Variants in RAPGEF4 observed in about 807,000 individuals in gnomAD.
The protein encoded by RAPGEF4 is Rap guanine nucleotide exchange factor 4.
RAPGEF4 carries 66 observed loss-of-function variants against 147.9 expected under a neutral mutation model. The ratio of observed to expected loss-of-function variants is 0.45; its 90% CI spans 0.37 to 0.55. The LOEUF is 0.55. Among genes scored for constraint, RAPGEF4 ranks in the 20% least tolerant of loss-of-function variants. The probability of loss-of-function intolerance (pLI) is 0.00; values close to 1 mark genes in which losing one functional copy is unlikely to be tolerated. For synonymous variants in RAPGEF4, 419 were observed against 442.7 expected (o/e 0.95, Z 0.67); for missense variants, 1,071 against 1,257.3 (o/e 0.85, Z 2.24).
chr2:172,784,766 T>A (rs778543558), intron 1 of RAPGEF4, among the ~76,000 whole-genome samples: 4 of 152,196 alleles, frequency 2.6e-5, no homozygotes, highest in Non-Finnish European at 5.9e-5. Context: ...TATAAATACA[T>A]GATTTTAGCA....
chr2:172,834,503 A>C (rs769950797), intron 4 of RAPGEF4, among the ~76,000 whole-genome samples: 1 of 152,226 alleles, frequency 6.6e-6, no homozygotes, highest in Non-Finnish European at 1.5e-5. Flanking sequence ...GTAAACAGGA[A>C]GATAAAGCTA....
At chr2:172,789,757 A>G (rs1657376284) in intron 1 of RAPGEF4, among the ~76,000 whole-genome samples, 2 of 152,254 alleles carry the variant, frequency 1.3e-5, no homozygotes, top group African/African-American at 2.4e-5. Context: ...AATGTCTTCA[A>G]GGTTCATGCA....
intron 15 of RAPGEF4, among the ~76,000 whole-genome samples, chr2:172,995,790 T>C (rs1298824504): frequency 3.3e-5 from 5 of 152,338 alleles, no homozygotes; most frequent in Non-Finnish European, 5.9e-5. Flanking sequence ...CATGGAAAGA[T>C]CTTCTGAAAT....
At chr2:173,000,955 G>T (rs1693857259) in intron 16 of RAPGEF4, among the ~76,000 whole-genome samples, 1 of 136,136 alleles carries the variant, frequency 7.3e-6, no homozygotes, top group Non-Finnish European at 1.7e-5. Context: ...TGCATGTATG[G>T]TACTGCCCAC....
chr2:173,017,282 C>T, intron 20 of RAPGEF4, 78 bp downstream of exon 20: 1 of 1,522,398 alleles, frequency 6.6e-7, no homozygotes, highest in Non-Finnish European at 9.1e-7. Context: ...TTGCAGTATA[C>T]ATAAAAGTGA....
intron 4 of RAPGEF4, among the ~76,000 whole-genome samples, chr2:172,914,285 A>C (rs542553349): frequency 1.4e-5 from 2 of 143,134 alleles, no homozygotes; most frequent in South Asian, 4.6e-4. Context: ...CTGCCCTCTG[A>C]GGGAGGTTCC....
At chr2:172,800,359 GA>G (rs902832231) in intron 3 of RAPGEF4, among the ~76,000 whole-genome samples, 4 of 152,210 alleles carry the variant, frequency 2.6e-5, no homozygotes, top group African/African-American at 9.7e-5. Context: ...AAGCTAAGGA[GA>G]ATGACCAAGA....
At chr2:172,786,700 C>G (rs1318268879) in intron 1 of RAPGEF4, among the ~76,000 whole-genome samples, 4 of 152,012 alleles carry the variant, frequency 2.6e-5, no homozygotes, top group Non-Finnish European at 1.5e-5. Context: ...TATAGAGAGA[C>G]CTTATCTCTA....
intron 17 of RAPGEF4, among the ~76,000 whole-genome samples, chr2:173,004,892 A>AAG (rs1553546645): frequency 6.6e-6 from 1 of 151,948 alleles, no homozygotes; most frequent in Non-Finnish European, 1.5e-5. Context: ...TTTCCAAACT[A>AAG]ATATATATAT....
At chr2:172,838,025 G>A (rs776203934) in intron 4 of RAPGEF4, among the ~76,000 whole-genome samples, 56 of 152,094 alleles carry the variant, frequency 3.7e-4, no homozygotes, top group Non-Finnish European at 4.4e-4. Flanking sequence ...GAGACTCTGG[G>A]GTGAACAATC....
chr2:172,934,411 A>C (rs1686325196), intron 6 of RAPGEF4, among the ~76,000 whole-genome samples: 1 of 152,132 alleles, frequency 6.6e-6, no homozygotes, highest in Admixed American at 6.5e-5. Context: ...TCAGCCTCCC[A>C]AAGTGCTGGG....
chr2:172,821,975 A>G, intron 4 of RAPGEF4: 1 of 1,613,486 alleles, frequency 6.2e-7, no homozygotes, highest in South Asian at 1.1e-5. Context: ...ATGCTCTACA[A>G]GGTCAGAATG....
intron 6 of RAPGEF4, among the ~76,000 whole-genome samples, chr2:172,925,855 GA>G (rs1685269071): frequency 7.0e-6 from 1 of 143,566 alleles, no homozygotes; most frequent in African/African-American, 2.6e-5. Flanking sequence ...GGAAGGGAAG[GA>G]AAGAAAAGAG....
intron 1 of RAPGEF4, 112 bp from the exon 2 acceptor site, chr2:172,794,913 T>G: frequency 2.8e-6 from 3 of 1,079,602 alleles, no homozygotes; most frequent in South Asian, 1.6e-5. Context: ...CAATGAAATA[T>G]TCACAAGTGG....
chr2:172,866,885 A>G (rs558464119), intron 4 of RAPGEF4, among the ~76,000 whole-genome samples: 168 of 152,176 alleles, frequency 1.1e-3, no homozygotes, highest in African/African-American at 3.9e-3. Flanking sequence ...TAAACTTTAT[A>G]GAATTTGTCC....
intron 17 of RAPGEF4, among the ~76,000 whole-genome samples, chr2:173,011,852 C>A (rs200962381): frequency 1.5e-4 from 21 of 143,426 alleles, no homozygotes; most frequent in South Asian, 2.3e-4. Context: ...GACTCCGTCT[C>A]AAAAAAAAAA....
At chr2:173,021,563 G>A (rs1389411137) in intron 23 of RAPGEF4, among the ~76,000 whole-genome samples, 1 of 152,076 alleles carries the variant, frequency 6.6e-6, no homozygotes, top group Non-Finnish European at 1.5e-5. Flanking sequence ...ACTCCAGCCT[G>A]GGCAACAGAG....
At chr2:172,881,444 G>A (rs1045689963) in intron 4 of RAPGEF4, among the ~76,000 whole-genome samples, 7 of 152,168 alleles carry the variant, frequency 4.6e-5, no homozygotes, top group African/African-American at 9.7e-5. Flanking sequence ...GACAGACAAA[G>A]TTTTAGCATA....
rs2105495131 is a variant in RAPGEF4 at position 172,965,672 on chromosome 2, T to G, written c.809T>G (p.Val270Gly). ...GMWQVLLEDGVLNHVDQEHHF... is the reference protein window; with the variant it reads ...GMWQVLLEDGGLNHVDQEHHF... ...TGGCAAGTCCTGTTAGAAGATGGTG[T>G]TCTCAACCACGGTAAGATGAGCCCC... The change falls in exon 9 of 31, where the codon GTT becomes GGT. Residue 270 changes from valine to glycine, a missense_variant. By Grantham distance (109) the Val-to-Gly change is moderately radical. Coordinates refer to ENST00000397081, the MANE Select transcript of RAPGEF4 (RefSeq NM_007023.4). The G allele has an allele frequency of 6.2e-7, 1 of 1,614,162 alleles. No homozygotes were observed. Among genetic ancestry groups the G allele is most frequent in the East Asian group, 2.2e-5 (1 of 44,874 alleles).
Sources: allele counts gnomAD v4.1 joint callset (sites outside exome capture counted in the v4.1 genomes callset), GRCh38; gene constraint gnomAD v4.1.1; transcripts MANE v1.5; gene names NCBI Gene and HGNC (gene_info 2026-07-23, HGNC 2026-07-21).